Variants in ARHGAP39 observed in about 807,000 individuals in gnomAD.
ARHGAP39 encodes the protein Rho GTPase activating protein 39.
Under a neutral mutation model 106.9 loss-of-function variants are expected in ARHGAP39, and 44 were observed. The ratio of observed to expected loss-of-function variants is 0.41; its 90% CI spans 0.32 to 0.53. The LOEUF is 0.53. ARHGAP39 is among the 20% of genes least tolerant of loss of function. The probability of loss-of-function intolerance (pLI) is 0.21; values close to 1 mark genes in which losing one functional copy is unlikely to be tolerated. For synonymous variants in ARHGAP39, 768 were observed against 693.2 expected, an observed-to-expected ratio of 1.11 and a Z score of -1.69; for missense variants, 1,496 against 1,577.3, an observed-to-expected ratio of 0.95 and a Z score of 0.87.
chr8:144,548,613 G>A lies in ARHGAP39; in HGVS notation c.597-124C>T. ...TCTGTTGTACACCTTCCTCGCTGGGGCCCTGTGGCCTGGCGCCCCTCACAC... is the reference window on the plus strand; with the variant it reads ...TCTGTTGTACACCTTCCTCGCTGGGACCCTGTGGCCTGGCGCCCCTCACAC... On this transcript the variant is annotated intron_variant, in intron 4 of 11. Coordinates refer to ENST00000377307, the MANE Select transcript of ARHGAP39 (RefSeq NM_025251.3). This position sits in a 1 kb window ranked among gnomAD's most constrained non-coding sequence, Gnocchi z 7.4. The A allele has an allele frequency of 7.6e-7, 1 of 1,319,748 alleles. No individual in the cohort carries two copies. The highest frequency in any genetic ancestry group is 1.0e-6 in the Non-Finnish European group (1 of 992,862). The allele number at this position is 1,319,748 out of a possible 1,614,324, so 81.8% of individuals were successfully genotyped here.
chr8:144,577,033 C>T (rs981324948), intron 3 of ARHGAP39, among the ~76,000 whole-genome samples: 3 of 152,188 alleles, frequency 2.0e-5, no homozygotes, highest in South Asian at 4.1e-4. Flanking sequence ...CACCTGTACA[C>T]GCCACGAATG....
At chr8:144,540,598 C>T (rs768291964) in intron 6 of ARHGAP39, among the ~76,000 whole-genome samples, 42 of 152,018 alleles carry the variant, frequency 2.8e-4, no homozygotes, top group Non-Finnish European at 4.9e-4. Flanking sequence ...CCTAGGAGTT[C>T]GAGATCAGCC....
At chr8:144,665,759 C>G (rs1431003622) in intron 1 of ARHGAP39, among the ~76,000 whole-genome samples, 2 of 152,230 alleles carry the variant, frequency 1.3e-5, no homozygotes, top group East Asian at 1.9e-4. Context: ...ATGGAAACGC[C>G]TGGATGCCCA....
At position 144,601,544 on chromosome 8, in the gene ARHGAP39, A is replaced by C. The variant is rs538718612; in HGVS notation, c.80+3991T>G. On this transcript the variant is annotated intron_variant, in intron 2 of 11. Coordinates refer to ENST00000377307, the MANE Select transcript of ARHGAP39 (RefSeq NM_025251.3). The stretch of plus-strand genomic sequence containing the variant: ...CTCATGTACCTGTGTGTGTGCATGG[A>C]GGCGTGCGTGCGAGCTCGTGTACCT... 3.6e-3 allele frequency among the ~76,000 whole-genome samples: 336 copies of C among 93,674 alleles called. 1 individual carries two copies. The highest frequency in any genetic ancestry group is 7.0e-3 in the African/African-American group (146 of 20,806). 61.5% of individuals were successfully genotyped at this position (93,674 alleles called of 152,430 possible).
At chr8:144,615,443 T>C (rs1820608978) in intron 1 of ARHGAP39, among the ~76,000 whole-genome samples, 2 of 152,120 alleles carry the variant, frequency 1.3e-5, no homozygotes, top group Admixed American at 1.3e-4. Context: ...CCCATTCTTT[T>C]AAAATACTCA....
In ARHGAP39 at chr8:144,670,948, G is replaced by C. The variant is rs1347519557; in HGVS notation, c.-82+14738C>G. 1.3e-5 allele frequency among the ~76,000 whole-genome samples: 2 copies of C among 152,166 alleles called. No homozygotes were observed. Among genetic ancestry groups the C allele is most frequent in the African/African-American group, 4.8e-5 (2 of 41,428 alleles). On this transcript the variant is annotated intron_variant, in intron 1 of 11. Transcript: ENST00000377307. This position sits in a 1 kb window ranked among gnomAD's most constrained non-coding sequence, Gnocchi z 4.4. ...AGGCACGACCACCTAATCCAGCTCT[G>C]ATGACGCTGCCTGGTGCTGCTCCCT...
chr8:144,633,503 G>C (rs1166052152), intron 1 of ARHGAP39, among the ~76,000 whole-genome samples: 1 of 152,164 alleles, frequency 6.6e-6, no homozygotes, highest in East Asian at 1.9e-4. Context: ...GGAATGTCCA[G>C]TCGGCAAAAA....
At chr8:144,543,949 G>C (rs1817299233) in intron 6 of ARHGAP39, 1 of 152,134 alleles carries the variant, frequency 6.6e-6, no homozygotes, top group Non-Finnish European at 1.5e-5. Context: ...CTCCAGCTCA[G>C]GCACGACATT....
chr8:144,631,687 T>G (rs924362931), intron 1 of ARHGAP39, among the ~76,000 whole-genome samples: 1 of 152,118 alleles, frequency 6.6e-6, no homozygotes, highest in Admixed American at 6.6e-5. Context: ...CACCTCTGGG[T>G]CTCCCTTGGC....
At chr8:144,697,783 C>A in the ARHGAP39 span, among the ~76,000 whole-genome samples, 2 of 152,178 alleles carry the variant, frequency 1.3e-5, no homozygotes, top group Non-Finnish European at 2.9e-5. Flanking sequence ...TGGGCCACTG[C>A]ACCCGGCCTG....
At chr8:144,601,330 G>GCA (rs1586599827) in intron 2 of ARHGAP39, among the ~76,000 whole-genome samples, 3 of 144,732 alleles carry the variant, frequency 2.1e-5, no homozygotes, top group African/African-American at 2.6e-5. Context: ...GTGGAGGCGT[G>GCA]TGTGTGCTCG....
intron 3 of ARHGAP39, among the ~76,000 whole-genome samples, chr8:144,563,503 ACCCTAAAATTTTAGGGCTCAG>A (rs1307175752): frequency 6.6e-6 from 1 of 152,126 alleles, no homozygotes; most frequent in East Asian, 1.9e-4. Flanking sequence ...AGGGCTTGGC[ACCCTAAAATTTTAGGGCTCAG>A]CCCTAAAATC....
chr8:144,593,367 T>G (rs138839014), intron 2 of ARHGAP39, among the ~76,000 whole-genome samples: 175 of 152,244 alleles, frequency 1.1e-3, no homozygotes, highest in Admixed American at 3.4e-3. Flanking sequence ...AACGTGCAGG[T>G]GGACGTCTAC....
At chr8:144,571,543 G>C (rs1188862244) in intron 3 of ARHGAP39, among the ~76,000 whole-genome samples, 1 of 152,120 alleles carries the variant, frequency 6.6e-6, no homozygotes, top group East Asian at 1.9e-4. Context: ...ATACTGAATG[G>C]GCAAAAACTG....
intron 4 of ARHGAP39, among the ~76,000 whole-genome samples, chr8:144,549,088 C>T (rs1340643424): frequency 3.9e-5 from 6 of 152,270 alleles, no homozygotes; most frequent in Admixed American, 6.5e-5. Context: ...CCCGGAGTCA[C>T]GCTGTCTGCG....
At chr8:144,549,921 C>A (rs751835750) in intron 4 of ARHGAP39, among the ~76,000 whole-genome samples, 1 of 152,194 alleles carries the variant, frequency 6.6e-6, no homozygotes, top group Admixed American at 6.6e-5. Flanking sequence ...TGCTTTTAAA[C>A]GCATTGTCTT....
At chr8:144,686,338 A>G (rs2129788234), upstream of ARHGAP39, among the ~76,000 whole-genome samples, 1 of 151,970 alleles carries the variant, frequency 6.6e-6, no homozygotes. Flanking sequence ...TTTACTCGGT[A>G]ATTCACTCAG....
chr8:144,674,130 G>C (rs1334366649), intron 1 of ARHGAP39, among the ~76,000 whole-genome samples: 2 of 151,568 alleles, frequency 1.3e-5, no homozygotes, highest in Non-Finnish European at 2.9e-5. Flanking sequence ...TGAGTGGTGG[G>C]GGGCGGTGGT....
At chr8:144,602,579 T>G (rs1168908223) in intron 2 of ARHGAP39, among the ~76,000 whole-genome samples, 2 of 143,112 alleles carry the variant, frequency 1.4e-5, no homozygotes, top group South Asian at 2.3e-4. Context: ...TGTACCTGTG[T>G]GCATGTGTGT....
Sources: gnomAD v4.1 joint callset for allele counts (sites outside exome capture counted in the v4.1 genomes callset) on GRCh38, gnomAD v4.1.1 for gene constraint, Gnocchi (gnomAD v3.1) non-coding constraint, MANE v1.5 for transcripts, NCBI Gene and HGNC (gene_info 2026-07-23, HGNC 2026-07-21) for gene names.